RPGRIP1: variants seen among roughly 807,000 people sequenced by gnomAD.
The protein encoded by RPGRIP1 is RPGR interacting protein 1.
In RPGRIP1, 128 loss-of-function variants were observed where a neutral mutation model predicts 157.9. That is an observed-to-expected ratio of 0.81 (90% CI 0.70 to 0.94). The LOEUF (loss-of-function observed/expected upper bound fraction) is 0.94, where lower values mean the gene tolerates loss of function less well. RPGRIP1 is among the 40% of genes least tolerant of loss of function. RPGRIP1 has a pLI of 0.00. For synonymous variants in RPGRIP1, 554 were observed against 571.6 expected, an observed-to-expected ratio of 0.97 and a Z score of 0.44; for missense variants, 1,486 against 1,545.8, an observed-to-expected ratio of 0.96 and a Z score of 0.65.
In RPGRIP1 at chr14:21,310,615, A is replaced by G. The variant is rs1176650860; in HGVS notation, c.930+8A>G. The stretch of plus-strand genomic sequence containing the variant: ...GAAACCTTGCTCCAGAAGGTACTTA[A>G]TGAGAATTGAGTCTCTGTTTCTTAG... On this transcript the variant is annotated splice_region_variant and intron_variant, in intron 8 of 24. Coordinates refer to ENST00000400017, the MANE Select transcript of RPGRIP1 (RefSeq NM_020366.4). The G allele has an allele frequency of 6.9e-7, 1 of 1,453,930 alleles. No individual in the cohort carries two copies. The highest frequency in any genetic ancestry group is 2.4e-5 in the East Asian group (1 of 42,332). 90.1% of individuals were successfully genotyped at this position (1,453,930 alleles called of 1,614,324 possible).
intron 23 of RPGRIP1, among the ~76,000 whole-genome samples, chr14:21,346,699 A>T (rs2139358733): frequency 6.6e-6 from 1 of 152,106 alleles, no homozygotes; most frequent in Non-Finnish European, 1.5e-5. Context: ...CTTATTTTTA[A>T]TTTTTTTGTT....
At position 21,325,227 on chromosome 14, in the gene RPGRIP1, C is replaced by T. The variant is rs556328823; in HGVS notation, c.2216-5C>T. Reference sequence around the variant, plus strand: ...CCCCCTGCTTTCACACTTTCTGCTACCCAGGAGCTGGTGGAGAAGAGTTCG... The same window carrying T: ...CCCCCTGCTTTCACACTTTCTGCTATCCAGGAGCTGGTGGAGAAGAGTTCG... On this transcript the variant is annotated splice_polypyrimidine_tract_variant and splice_region_variant and intron_variant, in intron 15 of 24. Transcript: ENST00000400017. 2.2e-5 allele frequency: 35 copies of T among 1,601,162 alleles called. No individual in the cohort carries two copies. The South Asian group carries it at 3.6e-4, about 16-fold the overall frequency.
At chr14:21,329,531 T>C (rs948407918) in intron 19 of RPGRIP1, among the ~76,000 whole-genome samples, 3 of 149,638 alleles carry the variant, frequency 2.0e-5, no homozygotes, top group African/African-American at 7.3e-5. Context: ...AGACCGAGTC[T>C]TGCTCTGTCG....
At chr14:21,315,654 C>T (rs973742899) in intron 10 of RPGRIP1, among the ~76,000 whole-genome samples, 7 of 151,906 alleles carry the variant, frequency 4.6e-5, no homozygotes, top group Non-Finnish European at 8.8e-5. Context: ...GTATCCACTT[C>T]GATAGACATT....
At position 21,311,835 on chromosome 14, in the gene RPGRIP1, C is replaced by A. The variant is rs1343685198; in HGVS notation, c.942C>A (p.Ile314=). ...YETLLQKNQG[I]LSAAHEALLK... ...TCCTTTTGACCCAGAATCAGGGAAT[C>A]CTGAGTGCAGCCCATGAGGCCCTCC... The change falls in exon 9 of 25, where the codon ATC becomes ATA. Residue 314 remains isoleucine, a synonymous_variant. Coordinates refer to ENST00000400017, the MANE Select transcript of RPGRIP1 (RefSeq NM_020366.4). 6.2e-7 allele frequency: 1 copy of A among 1,603,948 alleles called. No homozygotes were observed. The highest frequency in any genetic ancestry group is 8.5e-7 in the Non-Finnish European group (1 of 1,176,556).
chr14:21,318,071 T>C lies in RPGRIP1; in HGVS notation c.1306+221T>C, dbSNP rs1594192900. 3 of 680,166 alleles carry C rather than the reference T, an allele frequency of 4.4e-6. No homozygotes were observed. In the South Asian group the frequency reaches 4.5e-5, roughly 10 times the overall value. 42.1% of individuals were successfully genotyped at this position (680,166 alleles called of 1,614,324 possible). On this transcript the variant is annotated intron_variant, in intron 11 of 24. Transcript: ENST00000400017. ...TGTATACTTTTTCCTATATAATGTC[T>C]TTCCATTTGAGAAGATGCTAGTTTT...
intron 20 of RPGRIP1, 104 bp from the exon 21 acceptor site, chr14:21,334,501 C>T (rs1005188071): frequency 1.0e-5 from 8 of 787,080 alleles, no homozygotes; most frequent in Admixed American, 4.0e-5. Context: ...TCTAGACACT[C>T]GGAACTAGTG....
At chr14:21,326,500 G>A (rs1020922059) in intron 17 of RPGRIP1, among the ~76,000 whole-genome samples, 5 of 149,586 alleles carry the variant, frequency 3.3e-5, no homozygotes, top group African/African-American at 1.2e-4. Context: ...CAGGCTAGTA[G>A]CTGGGATTAC....
At chr14:21,335,046 C>CAAAAAA (rs869065591) in intron 21 of RPGRIP1, among the ~76,000 whole-genome samples, 9 of 28,038 alleles carry the variant, frequency 3.2e-4, no homozygotes, top group East Asian at 1.1e-3. Flanking sequence ...AACTCTGTCT[C>CAAAAAA]AAAAAAAAAA....
intron 21 of RPGRIP1, among the ~76,000 whole-genome samples, chr14:21,339,072 G>T (rs1227167028): frequency 6.6e-6 from 1 of 152,122 alleles, no homozygotes; most frequent in Admixed American, 6.6e-5. Context: ...GGAGGTGGAG[G>T]TTGCAGTGAG....
Position 21,351,273 on chromosome 14 carries a change from CTT to C in RPGRIP1, c.*58_*59del. On this transcript the variant is annotated 3_prime_UTR_variant, in exon 25 of 25. Coordinates refer to ENST00000400017, the MANE Select transcript of RPGRIP1 (RefSeq NM_020366.4). Reference sequence around the variant, plus strand: ...CTGAGGGAACCATAGTAAAAAGTCTCTTATAAAGTTAGCTTGCTATAACATGA... The same window carrying C: ...CTGAGGGAACCATAGTAAAAAGTCTCATAAAGTTAGCTTGCTATAACATGA... 2 of 1,059,388 alleles carry C rather than the reference CTT, an allele frequency of 1.9e-6. No individual in the cohort carries two copies. The highest frequency in any genetic ancestry group is 1.4e-6 in the Non-Finnish European group (1 of 700,252). The allele number at this position is 1,059,388 out of a possible 1,614,324, so 65.6% of individuals were successfully genotyped here.
intron 24 of RPGRIP1, among the ~76,000 whole-genome samples, chr14:21,348,949 C>G (rs1411980705): frequency 1.3e-5 from 2 of 152,180 alleles, no homozygotes; most frequent in East Asian, 3.9e-4. Context: ...GTGTGAGCCA[C>G]TGCACCTGGC....
intron 6 of RPGRIP1, among the ~76,000 whole-genome samples, chr14:21,305,687 C>T (rs1304276797): frequency 1.3e-5 from 2 of 152,024 alleles, no homozygotes; most frequent in African/African-American, 4.8e-5. Context: ...ATGGTGAATC[C>T]CCATCTTTAC....
At chr14:21,334,544 G>T in intron 20 of RPGRIP1, 61 bp from the exon 21 acceptor site, 1 of 1,128,610 alleles carries the variant, frequency 8.9e-7, no homozygotes, top group African/African-American at 1.5e-5. Context: ...TGTGTGCTGG[G>T]TCTTTTCTTG....
At chr14:21,314,949 G>A (rs1256781566) in intron 10 of RPGRIP1, among the ~76,000 whole-genome samples, 5 of 151,526 alleles carry the variant, frequency 3.3e-5, no homozygotes, top group South Asian at 4.2e-4. Context: ...GCTTGGACCC[G>A]GGAGGTGGAG....
chr14:21,310,710 A>G, intron 8 of RPGRIP1, 103 bp downstream of exon 8: 1 of 682,694 alleles, frequency 1.5e-6, no homozygotes, highest in Non-Finnish European at 2.6e-6. Context: ...AATTTAGCTA[A>G]CTAAATCAAT....
At chr14:21,297,834 ATTCTTTCTTTCTTTCTTTCTTTCT>A (rs55920234) in intron 3 of RPGRIP1, among the ~76,000 whole-genome samples, 1 of 133,216 alleles carries the variant, frequency 7.5e-6, no homozygotes. Flanking sequence ...TCAATAAATT[ATTCTTTCTTTCTTTCTTTCTTTCT>A]TTCTTTCTTT....
chr14:21,294,574 C>T, intron 2 of RPGRIP1, 103 bp from the exon 3 acceptor site: 1 of 1,185,714 alleles, frequency 8.4e-7, no homozygotes, highest in Non-Finnish European at 1.2e-6. Context: ...ATACTTGACT[C>T]AAGATAGATT....
At chr14:21,296,340 T>C (rs1430578073) in intron 3 of RPGRIP1, among the ~76,000 whole-genome samples, 5 of 151,936 alleles carry the variant, frequency 3.3e-5, no homozygotes, top group Non-Finnish European at 7.4e-5. Context: ...GCGCTAGGAT[T>C]ACAGGTGTGA....
Sources: gnomAD v4.1 joint callset for allele counts (sites outside exome capture counted in the v4.1 genomes callset) on GRCh38, gnomAD v4.1.1 for gene constraint, MANE v1.5 for transcripts, NCBI Gene and HGNC (gene_info 2026-07-23, HGNC 2026-07-21) for gene names.